Variants in COG1 observed in about 807,000 individuals in gnomAD.
The protein encoded by COG1 is component of oligomeric golgi complex 1.
Under a neutral mutation model 102.2 loss-of-function variants are expected in COG1, and 61 were observed. The observed-to-expected ratio is 0.60, with a 90% CI of 0.49 to 0.74. COG1 has a LOEUF of 0.74. COG1 is among the 30% of genes least tolerant of loss of function. The pLI is 0.00. For synonymous variants in COG1, 454 were observed against 493.6 expected, an observed-to-expected ratio of 0.92 and a Z score of 1.06; for missense variants, 1,164 against 1,232.1, an observed-to-expected ratio of 0.94 and a Z score of 0.83.
rs773666400 is a variant in COG1, at chr17:73,208,394, C to A, written c.2886C>A (p.Asp962Glu). The A allele has an allele frequency of 1.2e-6, 2 of 1,614,118 alleles. No individual in the cohort carries two copies. Among genetic ancestry groups the A allele is most frequent in the East Asian group, 4.5e-5 (2 of 44,898 alleles). ...TCAGACAGCTTGTCAGTGAAGAAGA[C>A]AACACGTCTGCACCTTCATTATTCA... ...SLFRQLVSEE[D>E]NTSAPSLFKL... The change falls in exon 14 of 14, where the codon GAC becomes GAA. Residue 962 changes from aspartate (D) to glutamate (E), a missense_variant. Transcript: ENST00000299886.
Position 73,193,343 on chromosome 17 carries a change from C to A in COG1, c.274C>A (p.Gln92Lys). The change falls in exon 1 of 14, where the codon CAG (glutamine) becomes AAG (lysine). Residue 92 changes from glutamine to lysine, a missense_variant. Coordinates refer to ENST00000299886, the MANE Select transcript of COG1 (RefSeq NM_018714.3). ...ATDQYCARLRQAGSAAPRPPR... is the reference protein window; with the variant it reads ...ATDQYCARLRKAGSAAPRPPR... Reference sequence around the variant, plus strand: ...CGACCAGTACTGCGCCCGCCTCCGCCAGGCCGGCTCGGCCGCGCCCCGGCC... The same window carrying A: ...CGACCAGTACTGCGCCCGCCTCCGCAAGGCCGGCTCGGCCGCGCCCCGGCC... 1 of 1,521,236 alleles carries A rather than the reference C, an allele frequency of 6.6e-7. No homozygotes were observed. The highest frequency in any genetic ancestry group is 8.8e-7 in the Non-Finnish European group (1 of 1,137,614). 94.2% of individuals were successfully genotyped at this position (1,521,236 alleles called of 1,614,324 possible).
rs2061308444 is a variant in COG1, at chr17:73,193,074, C to A, written c.5C>A (p.Ala2Asp). 5 of 1,590,300 alleles carry A rather than the reference C, an allele frequency of 3.1e-6. No individual in the cohort carries two copies. The highest frequency in any genetic ancestry group is 4.3e-6 in the Non-Finnish European group (5 of 1,165,870). MATAATSPALKR... is the reference protein window; with the variant it reads MDTAATSPALKR... Reference sequence around the variant, plus strand: ...CCGGGGGCTGACGAGTGCACCATGGCCACCGCGGCAACCTCACCCGCGCTG... The same window carrying A: ...CCGGGGGCTGACGAGTGCACCATGGACACCGCGGCAACCTCACCCGCGCTG... The change falls in exon 1 of 14, where the codon GCC becomes GAC. Residue 2 changes from alanine to aspartate, a missense_variant. Ala to Asp is a moderately radical substitution (Grantham distance 126). Transcript: ENST00000299886.
At chr17:73,205,227 T>A (rs2061363251) in intron 9 of COG1, 1 of 325,994 alleles carries the variant, frequency 3.1e-6, no homozygotes, top group Non-Finnish European at 5.9e-6. Context: ...TTGGAAAGAA[T>A]TCAGTAAGTC....
chr17:73,201,727 G>C lies in COG1; in HGVS notation c.1900G>C (p.Gly634Arg). Residue 634 changes from glycine (G) to arginine (R), a missense_variant, in exon 7 of 14, where the codon GGA becomes CGA. Coordinates refer to ENST00000299886, the MANE Select transcript of COG1 (RefSeq NM_018714.3). ...CCCCCATCTGAAGCAGTGCATCCTG[G>C]GAAAATCAGAGAGCTCAGAGAAACC... is the stretch of plus-strand genomic sequence containing the variant. ...LCPHLKQCIL[G>R]KSESSEKPAR... 6.2e-7 allele frequency: 1 copy of C among 1,614,170 alleles called. No homozygotes were observed. The highest frequency in any genetic ancestry group is 8.5e-7 in the Non-Finnish European group (1 of 1,180,038).
intron 7 of COG1, among the ~76,000 whole-genome samples, chr17:73,202,338 C>CA (rs71354811): frequency 9.1e-6 from 1 of 110,448 alleles, no homozygotes; most frequent in Admixed American, 8.8e-5. Context: ...GACTCCGTCT[C>CA]AAAAAAAACT....
chr17:73,193,122 C>G lies in COG1; in HGVS notation c.53C>G (p.Pro18Arg). 1.2e-6 allele frequency: 2 copies of G among 1,611,782 alleles called. No homozygotes were observed. The highest frequency in any genetic ancestry group is 2.2e-5 in the East Asian group (1 of 44,766). The change falls in exon 1 of 14, where the codon CCT (proline) becomes CGT (arginine). Residue 18 changes from proline to arginine, a missense_variant. Transcript: ENST00000299886. ...PALKRLDLRD[P>R]AALFETHGAE... is the part of the protein sequence containing the mutation. ...CTGAAGCGGCTGGATCTGCGCGACC[C>G]TGCGGCTCTTTTCGAGACGCATGGA...
Position 73,208,320 on chromosome 17 carries a change from C to T in COG1, c.2812C>T (p.Pro938Ser), listed in dbSNP as rs896249142. The T allele has an allele frequency of 3.7e-6, 6 of 1,613,620 alleles. No individual in the cohort carries two copies. Among genetic ancestry groups the T allele is most frequent in the Non-Finnish European group, 5.1e-6 (6 of 1,179,992 alleles). Reference protein sequence around the residue: ...RNIETKAQVVPPARSTAGDPT... With the variant: ...RNIETKAQVVSPARSTAGDPT... ...TCTCTACATCCAATGGCAGGTTGTC[C>T]CCCCGGCACGCTCCACAGCTGGTGA... Residue 938 changes from proline to serine, a missense_variant, in exon 14 of 14, where the codon CCC (proline) becomes TCC (serine). Pro to Ser is a moderately conservative substitution (Grantham distance 74). Transcript: ENST00000299886.
chr17:73,194,459 G>T (rs1455078801), intron 1 of COG1, among the ~76,000 whole-genome samples: 7 of 104,470 alleles, frequency 6.7e-5, no homozygotes, highest in African/African-American at 2.3e-4. Flanking sequence ...AAAAAAAAAA[G>T]AATTTTTATT....
chr17:73,193,421 G>A, intron 1 of COG1, 37 bp downstream of exon 1: 1 of 1,386,978 alleles, frequency 7.2e-7, no homozygotes, highest in Non-Finnish European at 9.3e-7. Flanking sequence ...ACCCGCAGGC[G>A]GGTCCCGGAG....
chr17:73,203,337 C>T, intron 8 of COG1, 191 bp downstream of exon 8: 2 of 798,896 alleles, frequency 2.5e-6, no homozygotes, highest in Non-Finnish European at 4.0e-6. Context: ...GTTAACCATT[C>T]TTTCCTTTTG....
Position 73,196,520 on chromosome 17 carries a change from C to T in COG1, c.329C>T (p.Ser110Phe), listed in dbSNP as rs778504306. 47 of 1,614,076 alleles carry T rather than the reference C, an allele frequency of 2.9e-5. No homozygotes were observed. The highest frequency in any genetic ancestry group is 3.7e-5 in the Non-Finnish European group (44 of 1,180,046). The change falls in exon 2 of 14, where the codon TCC (serine) becomes TTC (phenylalanine). Residue 110 changes from serine (S) to phenylalanine (F), a missense_variant. Physicochemically the swap from Ser to Phe is radical, Grantham distance 155 (BLOSUM62 -2). Transcript: ENST00000299886. ...CTTCCCCTGCAGCCACAGCAGCCATCCCAGGAGAAGTTCTACAGCATGGCT... is the reference window on the plus strand; with the variant it reads ...CTTCCCCTGCAGCCACAGCAGCCATTCCAGGAGAAGTTCTACAGCATGGCT... The part of the protein sequence containing the change: ...PPRAQQPQQP[S>F]QEKFYSMAAQ...
Position 73,208,389 on chromosome 17 carries a change from G to GA in COG1, c.2883dup (p.Asp962ArgfsTer16), listed in dbSNP as rs761967468. On this transcript the variant is annotated frameshift_variant, in exon 14 of 14. Transcript: ENST00000299886. LOFTEE classifies it high-confidence loss of function. ...CTTGTTCAGACAGCTTGTCAGTGAA[G>GA]AAGACAACACGTCTGCACCTTCATT... 6.2e-7 allele frequency: 1 copy of GA among 1,614,246 alleles called. No individual in the cohort carries two copies. The highest frequency in any genetic ancestry group is 8.5e-7 in the Non-Finnish European group (1 of 1,180,044).
intron 4 of COG1, among the ~76,000 whole-genome samples, chr17:73,198,466 G>T (rs115248357): frequency 0.026 from 3,945 of 152,216 alleles, 183 homozygotes; most frequent in African/African-American, 0.09. Flanking sequence ...TGCCCCTGTG[G>T]TCCCTGCTAT....
intron 13 of COG1, chr17:73,208,023 A>C: frequency 2.3e-6 from 3 of 1,326,198 alleles, no homozygotes; most frequent in Non-Finnish European, 1.9e-6. Context: ...CACTGCAGTG[A>C]TCTTTCAGTT....
chr17:73,207,964 T>A, intron 13 of COG1: 1 of 1,226,046 alleles, frequency 8.2e-7, no homozygotes, highest in Non-Finnish European at 1.0e-6. Context: ...GCAAAAACCA[T>A]CCAGTCCCTA....
At chr17:73,196,021 C>G (rs1185339010) in intron 1 of COG1, among the ~76,000 whole-genome samples, 1 of 152,192 alleles carries the variant, frequency 6.6e-6, no homozygotes, top group African/African-American at 2.4e-5. Flanking sequence ...ATTTATAACA[C>G]AAGTGTATTT....
chr17:73,202,109 G>T (rs1599327962), intron 7 of COG1, among the ~76,000 whole-genome samples: 1 of 152,106 alleles, frequency 6.6e-6, no homozygotes, highest in Non-Finnish European at 1.5e-5. Flanking sequence ...AGGCCAAGAT[G>T]GGCAGATCGC....
At chr17:73,204,813 T>G (rs1369322490) in intron 9 of COG1, among the ~76,000 whole-genome samples, 2 of 152,104 alleles carry the variant, frequency 1.3e-5, no homozygotes, top group Non-Finnish European at 2.9e-5. Flanking sequence ...TGTTTCGGCC[T>G]CCCAAAGTGC....
intron 5 of COG1, 87 bp downstream of exon 5, chr17:73,200,108 G>A (rs1015973287): frequency 2.7e-6 from 4 of 1,478,130 alleles, no homozygotes; most frequent in Non-Finnish European, 2.8e-6. Context: ...AGCGAGGCAT[G>A]TGCAGAAAGC....
Sources: allele counts gnomAD v4.1 joint callset (sites outside exome capture counted in the v4.1 genomes callset), GRCh38; gene constraint gnomAD v4.1.1; transcripts MANE v1.5; gene names NCBI Gene and HGNC (gene_info 2026-07-23, HGNC 2026-07-21).